Variants in CHCHD6 observed in about 807,000 individuals in gnomAD.
CHCHD6 encodes the protein coiled-coil-helix-coiled-coil-helix domain containing 6, also known as MICOS complex subunit MIC25.
Under a neutral mutation model 32.3 loss-of-function variants are expected in CHCHD6, and 28 were observed. That is an observed-to-expected ratio of 0.87 (90% CI 0.64 to 1.19). The LOEUF (loss-of-function observed/expected upper bound fraction) is 1.19. Among genes scored for constraint, CHCHD6 ranks in the 50% most tolerant of loss-of-function variants. The pLI is 0.00. For synonymous variants in CHCHD6, 122 were observed against 117.5 expected (o/e 1.04, Z -0.25); for missense variants, 333 against 307.0 (o/e 1.08, Z -0.63).
At chr3:126,730,101 T>C (rs1935720831) in intron 2 of CHCHD6, among the ~76,000 whole-genome samples, 1 of 152,132 alleles carries the variant, frequency 6.6e-6, no homozygotes. Context: ...CAGTGAGGAT[T>C]GTGCAGACTC....
chr3:126,810,309 T>C (rs1426653917), intron 4 of CHCHD6, among the ~76,000 whole-genome samples: 1 of 152,198 alleles, frequency 6.6e-6, no homozygotes, highest in Non-Finnish European at 1.5e-5. Flanking sequence ...GGGAGACTTA[T>C]ATGGAGGAGG....
At chr3:126,909,387 C>T (rs752700922) in intron 5 of CHCHD6, among the ~76,000 whole-genome samples, 1 of 152,206 alleles carries the variant, frequency 6.6e-6, no homozygotes, top group Non-Finnish European at 1.5e-5. Context: ...CTCTTCTGCT[C>T]AGACACATTT....
At chr3:126,869,288 CTTTTTTTTT>C (rs58408227) in intron 5 of CHCHD6, among the ~76,000 whole-genome samples, 1 of 108,702 alleles carries the variant, frequency 9.2e-6, no homozygotes. Flanking sequence ...CACCAGTCTC[CTTTTTTTTT>C]TTTTTTTTTT....
Position 126,709,568 on chromosome 3 carries a change from A to T in CHCHD6, c.87+5169A>T, listed in dbSNP as rs371987560. ...ATTGTCAGGTTTAATTTTTAAAGAA[A>T]CTGCTGAACTGTTTGCTGAAGAAGC... On this transcript the variant is annotated intron_variant, in intron 1 of 7. Transcript: ENST00000290913. Among the ~76,000 whole-genome samples, 6 of 152,336 alleles carry T rather than the reference A, an allele frequency of 3.9e-5. No homozygotes were observed. The East Asian group carries it at 1.2e-3, about 29-fold the overall frequency.
chr3:126,786,093 T>C (rs1291835820), intron 4 of CHCHD6, among the ~76,000 whole-genome samples: 1 of 152,202 alleles, frequency 6.6e-6, no homozygotes, highest in African/African-American at 2.4e-5. Context: ...TTTTTTGTTC[T>C]TGTGATAGTT....
intron 6 of CHCHD6, among the ~76,000 whole-genome samples, chr3:126,942,468 T>C (rs1482427403): frequency 1.3e-5 from 2 of 152,224 alleles, no homozygotes; most frequent in Non-Finnish European, 2.9e-5. Context: ...TCTCTTTAGT[T>C]ATGTAACTAT....
intron 4 of CHCHD6, among the ~76,000 whole-genome samples, chr3:126,754,297 A>G (rs927322023): frequency 1.3e-5 from 2 of 152,198 alleles, no homozygotes; most frequent in African/African-American, 4.8e-5. Context: ...GCAAGGATCA[A>G]GTGTAAACAT....
intron 4 of CHCHD6, chr3:126,767,536 C>G: frequency 2.1e-6 from 1 of 472,272 alleles, no homozygotes; most frequent in Non-Finnish European, 3.9e-6. Flanking sequence ...GATTTTCCCA[C>G]CAGGCACCTG....
chr3:126,736,704 A>G (rs528737882), intron 4 of CHCHD6, among the ~76,000 whole-genome samples: 4 of 152,250 alleles, frequency 2.6e-5, no homozygotes, highest in African/African-American at 9.6e-5. Flanking sequence ...GTGCGTGTCA[A>G]TGTGTGTTTG....
At chr3:126,947,509 A>G (rs1170474122) in intron 6 of CHCHD6, among the ~76,000 whole-genome samples, 1 of 152,166 alleles carries the variant, frequency 6.6e-6, no homozygotes, top group Non-Finnish European at 1.5e-5. Context: ...AGCAAGAGCT[A>G]TGGAGCTGAG....
At chr3:126,753,523 C>T (rs562874400) in intron 4 of CHCHD6, among the ~76,000 whole-genome samples, 7 of 152,290 alleles carry the variant, frequency 4.6e-5, no homozygotes, top group South Asian at 2.1e-4. Context: ...AAACATTGGA[C>T]GGGGCCTCTG....
chr3:126,832,881 C>G (rs146981223), intron 4 of CHCHD6, among the ~76,000 whole-genome samples: 1 of 152,176 alleles, frequency 6.6e-6, no homozygotes, highest in Non-Finnish European at 1.5e-5. Flanking sequence ...ATTTCTCCCC[C>G]AGCCAAGGTC....
intron 4 of CHCHD6, among the ~76,000 whole-genome samples, chr3:126,750,859 A>G (rs558828061): frequency 6.6e-6 from 1 of 152,378 alleles, no homozygotes; most frequent in East Asian, 1.9e-4. Context: ...GCTAATGAGG[A>G]ATCGATGAAA....
intron 4 of CHCHD6, among the ~76,000 whole-genome samples, chr3:126,809,105 G>A (rs1489944449): frequency 6.6e-6 from 1 of 152,050 alleles, no homozygotes; most frequent in Non-Finnish European, 1.5e-5. Flanking sequence ...CTGAGTAGCT[G>A]GGATTACAGG....
At chr3:126,771,209 CTTT>C (rs58996472) in intron 4 of CHCHD6, among the ~76,000 whole-genome samples, 1 of 138,858 alleles carries the variant, frequency 7.2e-6, no homozygotes, top group Non-Finnish European at 1.6e-5. Context: ...TTTTCCTTTT[CTTT>C]TTTTTTTTTT....
chr3:126,954,165 G>A (rs1393179822), intron 6 of CHCHD6, among the ~76,000 whole-genome samples: 1 of 152,164 alleles, frequency 6.6e-6, no homozygotes, highest in Non-Finnish European at 1.5e-5. Context: ...ATAAGTCCCA[G>A]GAGAGAGAGG....
chr3:126,865,491 T>C (rs1253824865), intron 5 of CHCHD6: 4 of 856,672 alleles, frequency 4.7e-6, no homozygotes, highest in Non-Finnish European at 5.6e-6. Flanking sequence ...CATCACCAAC[T>C]TCGCCTTCAC....
chr3:126,815,650 C>A (rs1009508645), intron 4 of CHCHD6, among the ~76,000 whole-genome samples: 25 of 150,460 alleles, frequency 1.7e-4, no homozygotes, highest in Middle Eastern at 3.4e-3. Context: ...CTTGCCCCCC[C>A]CCCCCCATCT....
At chr3:126,837,385 G>A (rs990969991) in intron 4 of CHCHD6, among the ~76,000 whole-genome samples, 8 of 152,028 alleles carry the variant, frequency 5.3e-5, no homozygotes, top group Non-Finnish European at 1.2e-4. Context: ...GCAACATAGT[G>A]AGACCCCATC....
Sources: allele counts gnomAD v4.1 joint callset (sites outside exome capture counted in the v4.1 genomes callset), GRCh38; gene constraint gnomAD v4.1.1; transcripts MANE v1.5; gene names NCBI Gene and HGNC (gene_info 2026-07-23, HGNC 2026-07-21).